GNA12: variants seen among roughly 807,000 people sequenced by gnomAD.
GNA12 encodes guanine nucleotide-binding protein subunit alpha-12.
In GNA12, 9 loss-of-function variants were observed where a neutral mutation model predicts 26.0. The observed-to-expected ratio is 0.35, with a 90% CI of 0.21 to 0.60. GNA12 has a LOEUF of 0.60. Among genes scored for constraint, GNA12 ranks in the 20% least tolerant of loss-of-function variants. GNA12 has a pLI of 0.78. For missense variants in GNA12, 405 were observed against 525.8 expected (o/e 0.77, Z 2.25); for synonymous variants, 264 against 219.6 (o/e 1.20, Z -1.79).
Position 2,843,876 on chromosome 7 carries a change from T to C in GNA12, c.286A>G (p.Thr96Ala). ...ACCTTGAGGATGTTGTCGAAGATGG[T>C]GTCGCGGAACTCCAGCAGCGCCTTC... ...DQKALLEFRD[T>A]IFDNILKGSR... The change falls in exon 1 of 4, where the codon ACC becomes GCC. Residue 96 changes from threonine to alanine, a missense_variant. Coordinates refer to ENST00000275364, the MANE Select transcript of GNA12 (RefSeq NM_007353.3). 3 of 1,554,298 alleles carry C rather than the reference T, an allele frequency of 1.9e-6. No homozygotes were observed. The highest frequency in any genetic ancestry group is 2.6e-6 in the Non-Finnish European group (3 of 1,150,400).
intron 2 of GNA12, among the ~76,000 whole-genome samples, chr7:2,733,745 C>T (rs1444491661): frequency 2.6e-5 from 4 of 152,222 alleles, no homozygotes; most frequent in Non-Finnish European, 5.9e-5. Flanking sequence ...TTTCAATTTT[C>T]GCTGCTGGGT....
intron 1 of GNA12, among the ~76,000 whole-genome samples, chr7:2,796,950 C>G (rs1357272586): frequency 2.6e-5 from 4 of 152,156 alleles, no homozygotes; most frequent in Non-Finnish European, 5.9e-5. Context: ...GAGGGGCACA[C>G]TGCATACTCT....
chr7:2,762,832 G>A, intron 2 of GNA12: 1 of 1,506,470 alleles, frequency 6.6e-7, no homozygotes, highest in Non-Finnish European at 8.9e-7. Context: ...CACACACCCA[G>A]TCAGCGCGGC....
Position 2,780,805 on chromosome 7 carries a change from A to G in GNA12, c.525+14123T>C, listed in dbSNP as rs1196938945. On this transcript the variant is annotated intron_variant, in intron 2 of 3. Transcript: ENST00000275364. ...CTCACCCATTTTACTGTTGAGGAAC[A>G]TTTGGATTTTTTCAATTATATATAA... Among the ~76,000 whole-genome samples, 4 of 152,318 alleles carry G rather than the reference A, an allele frequency of 2.6e-5. No homozygotes were observed. The East Asian group carries it at 7.7e-4, about 29-fold the overall frequency.
intron 2 of GNA12, among the ~76,000 whole-genome samples, chr7:2,761,097 T>C (rs1253334746): frequency 6.6e-6 from 1 of 152,250 alleles, no homozygotes. Flanking sequence ...AAGCATTTCC[T>C]ACACGTCTGG....
intron 2 of GNA12, among the ~76,000 whole-genome samples, chr7:2,779,728 GGCTGGATTACA>G (rs908278780): frequency 2.0e-4 from 30 of 151,974 alleles, no homozygotes; most frequent in African/African-American, 6.3e-4. Context: ...CCTCCTGAGT[GGCTGGATTACA>G]GACATGTACC....
At chr7:2,747,988 C>T (rs1285180177) in intron 2 of GNA12, among the ~76,000 whole-genome samples, 5 of 150,778 alleles carry the variant, frequency 3.3e-5, no homozygotes, top group African/African-American at 1.2e-4. Context: ...AACTACAAAC[C>T]ACTGCTCAAG....
At chr7:2,802,959 C>A (rs896020197) in intron 1 of GNA12, among the ~76,000 whole-genome samples, 1 of 152,202 alleles carries the variant, frequency 6.6e-6, no homozygotes, top group African/African-American at 2.4e-5. Flanking sequence ...CATAACTCCG[C>A]GGATTTGCCT....
chr7:2,787,166 T>C (rs1264913907), intron 2 of GNA12, among the ~76,000 whole-genome samples: 2 of 152,128 alleles, frequency 1.3e-5, no homozygotes, highest in East Asian at 1.9e-4. Context: ...TGAAGCTGTG[T>C]GAGCAATAGG....
intron 2 of GNA12, among the ~76,000 whole-genome samples, chr7:2,739,962 T>G (rs1790415826): frequency 6.6e-6 from 1 of 152,170 alleles, no homozygotes; most frequent in South Asian, 2.1e-4. Context: ...TGTGAGTCAC[T>G]GTGCCCGGCA....
rs140764486 is a variant in GNA12, at chr7:2,790,128, C to A, written c.525+4800G>T. On this transcript the variant is annotated intron_variant, in intron 2 of 3. Transcript: ENST00000275364. ...GCTCCCTCTGCCACCTCACTCCGCA[C>A]TGTCTCCTGGGTCATTCTACCTGCC... 3.5e-3 allele frequency among the ~76,000 whole-genome samples: 534 copies of A among 152,358 alleles called. 2 individuals carry two copies. Among genetic ancestry groups the A allele is most frequent in the Non-Finnish European group, 4.8e-3 (326 of 68,038 alleles).
intron 2 of GNA12, among the ~76,000 whole-genome samples, chr7:2,757,129 CTTTTT>C (rs71026549): frequency 0.19 from 17,513 of 93,700 alleles, 1,066 homozygotes; most frequent in Non-Finnish European, 0.2. Flanking sequence ...TCAGGTGGGC[CTTTTT>C]TTTTTTTTTT....
chr7:2,756,558 T>A (rs1791306300), intron 2 of GNA12, among the ~76,000 whole-genome samples: 1 of 151,966 alleles, frequency 6.6e-6, no homozygotes, highest in Non-Finnish European at 1.5e-5. Context: ...GAGGCTGCAG[T>A]GAGCCACAAT....
chr7:2,841,698 T>C (rs1048669593), intron 1 of GNA12, among the ~76,000 whole-genome samples: 3 of 152,236 alleles, frequency 2.0e-5, no homozygotes, highest in Non-Finnish European at 4.4e-5. Flanking sequence ...GTGCGAATAC[T>C]GGCCTGGAAG....
intron 1 of GNA12, among the ~76,000 whole-genome samples, chr7:2,796,719 A>C (rs1448822568): frequency 6.6e-6 from 1 of 152,144 alleles, no homozygotes; most frequent in Non-Finnish European, 1.5e-5. Flanking sequence ...CTCATTGTTA[A>C]AGATAAAGTT....
At chr7:2,806,115 C>G (rs574193349) in intron 1 of GNA12, among the ~76,000 whole-genome samples, 1 of 152,306 alleles carries the variant, frequency 6.6e-6, no homozygotes, top group South Asian at 2.1e-4. Flanking sequence ...GAAGTACACA[C>G]GTGCCTTACA....
In GNA12 at chr7:2,737,264, G is replaced by GTTTTTTTT. The variant is rs201866976; in HGVS notation, c.526-3764_526-3763insAAAAAAAA. 1.1e-4 allele frequency among the ~76,000 whole-genome samples: 6 copies of GTTTTTTTT among 52,482 alleles called. 1 individual carries two copies. The highest frequency in any genetic ancestry group is 6.6e-4 in the East Asian group (1 of 1,510). The allele number at this position is 52,482 out of a possible 152,430, so 34.4% of individuals were successfully genotyped here. ...CTGCCCATTCAGGAGCTATCTCACA[G>GTTTTTTTT]TTTTGTTTTGTTTTTTTTTTTTTTG... On this transcript the variant is annotated intron_variant, in intron 2 of 3. Coordinates refer to ENST00000275364, the MANE Select transcript of GNA12 (RefSeq NM_007353.3).
At chr7:2,801,186 G>T (rs1049655502) in intron 1 of GNA12, among the ~76,000 whole-genome samples, 5 of 152,166 alleles carry the variant, frequency 3.3e-5, no homozygotes, top group Non-Finnish European at 7.3e-5. Context: ...CGCTATCCGG[G>T]AAGGCCCTGC....
chr7:2,733,313 GTACT>G, intron 3 of GNA12, 134 bp downstream of exon 3: 1 of 720,104 alleles, frequency 1.4e-6, no homozygotes, highest in Non-Finnish European at 2.5e-6. Context: ...TGCCATTACA[GTACT>G]ATTCGTGGTA....
Sources: gnomAD v4.1 joint callset for allele counts (sites outside exome capture counted in the v4.1 genomes callset) on GRCh38, gnomAD v4.1.1 for gene constraint, MANE v1.5 for transcripts, NCBI Gene and HGNC (gene_info 2026-07-23, HGNC 2026-07-21) for gene names.